Variants in OR52K1 observed in about 807,000 individuals in gnomAD.
OR52K1 encodes olfactory receptor family 52 subfamily K member 1, also known as olfactory receptor 52K1.
In OR52K1, 10 loss-of-function variants were observed where a neutral mutation model predicts 8.7. The ratio of observed to expected loss-of-function variants is 1.15; its 90% CI spans 0.71 to 1.95. The LOEUF is 1.95. OR52K1 is among the 30% of genes most tolerant of loss of function. The pLI is 0.00. For synonymous variants in OR52K1, 203 were observed against 148.5 expected, an observed-to-expected ratio of 1.37 and a Z score of -2.67; for missense variants, 431 against 397.2, an observed-to-expected ratio of 1.08 and a Z score of -0.72.
rs142595009 is a variant in OR52K1, at chr11:4,489,028, G to C, written c.128G>C (p.Gly43Ala). The stretch of plus-strand genomic sequence containing the variant: ...TTTGCTTATACTCTGGCCCTGCTAG[G>C]CAACTGTACCCTTCTCTTCATTATC... The part of the protein sequence containing the change: ...FCFAYTLALL[G>A]NCTLLFIIQA... Residue 43 changes from glycine to alanine, a missense_variant, in exon 2 of 2, where the codon GGC becomes GCC. Coordinates refer to ENST00000641528, the MANE Select transcript of OR52K1 (RefSeq NM_001005171.3). 94 of 1,614,030 alleles carry C rather than the reference G, an allele frequency of 5.8e-5. No individual in the cohort carries two copies. In the East Asian group the frequency reaches 1.4e-3, roughly 25 times the overall value.
intron 1 of OR52K1, among the ~76,000 whole-genome samples, chr11:4,486,603 C>T (rs1481427021): frequency 6.6e-6 from 1 of 152,190 alleles, no homozygotes; most frequent in Non-Finnish European, 1.5e-5. Context: ...TCATGAAATG[C>T]CTATCATAAC....
rs1473163739 is a variant in OR52K1, at chr11:4,489,477, G to A, written c.577G>A (p.Asp193Asn). Residue 193 changes from aspartate to asparagine, a missense_variant, in exon 2 of 2, where the codon GAC becomes AAC. Physicochemically the swap from Asp to Asn is conservative, Grantham distance 23. Coordinates refer to ENST00000641528, the MANE Select transcript of OR52K1 (RefSeq NM_001005171.3). ...HMAVVRLACG[D>N]TSFNNIYGIA... ...GGCTGTGGTAAGGCTGGCGTGTGGG[G>A]ACACTAGCTTCAACAATATCTATGG... is the stretch of plus-strand genomic sequence containing the variant. The A allele has an allele frequency of 3.1e-6, 5 of 1,614,242 alleles. No individual in the cohort carries two copies. Among genetic ancestry groups the A allele is most frequent in the East Asian group, 2.2e-5 (1 of 44,890 alleles).
chr11:4,482,862 C>G lies in OR52K1; in HGVS notation c.-643C>G, dbSNP rs539644421. 3.0e-6 allele frequency: 1 copy of G among 331,248 alleles called. No individual in the cohort carries two copies. Among genetic ancestry groups the G allele is most frequent in the South Asian group, 1.6e-4 (1 of 6,378 alleles). The allele number at this position is 331,248 out of a possible 1,614,324, so 20.5% of individuals were successfully genotyped here. A position where few individuals can be genotyped will look rare whatever the true frequency, so the allele number is the denominator to read the frequency against. Reference sequence around the variant, plus strand: ...CCATTCCTGATCTTAGGCATCAGCTCTCCAACCCTGTTATTGCTTCTACTC... The same window carrying G: ...CCATTCCTGATCTTAGGCATCAGCTGTCCAACCCTGTTATTGCTTCTACTC... On this transcript the variant is annotated 5_prime_UTR_variant, in exon 1 of 2. Coordinates refer to ENST00000641528, the MANE Select transcript of OR52K1 (RefSeq NM_001005171.3).
chr11:4,489,579 G>C lies in OR52K1; in HGVS notation c.679G>C (p.Val227Leu), dbSNP rs772866663. 1.5e-5 allele frequency: 24 copies of C among 1,614,116 alleles called. No individual in the cohort carries two copies. The highest frequency in any genetic ancestry group is 2.0e-5 in the Non-Finnish European group (24 of 1,180,052). The stretch of plus-strand genomic sequence containing the variant: ...GTCTTATGTCTTCATCCTTCAGGCA[G>C]TTCTCCAGCTTGCCTCTCAGGAGGC... ...ILSYVFILQAVLQLASQEARY... is the reference protein window; with the variant it reads ...ILSYVFILQALLQLASQEARY... Residue 227 changes from valine to leucine, a missense_variant, in exon 2 of 2, where the codon GTT becomes CTT. Coordinates refer to ENST00000641528, the MANE Select transcript of OR52K1 (RefSeq NM_001005171.3).
At chr11:4,484,693 G>A (rs1037086821) in intron 1 of OR52K1, among the ~76,000 whole-genome samples, 4 of 151,894 alleles carry the variant, frequency 2.6e-5, no homozygotes, top group African/African-American at 7.3e-5. Context: ...TGATCAACCA[G>A]CAGACCACCT....
At chr11:4,485,521 T>C (rs935351681) in intron 1 of OR52K1, among the ~76,000 whole-genome samples, 3 of 152,168 alleles carry the variant, frequency 2.0e-5, no homozygotes, top group Non-Finnish European at 2.9e-5. Flanking sequence ...GGTGTCATCT[T>C]CGACTCCCTG....
In OR52K1 at chr11:4,489,053, C is replaced by T; in HGVS notation, c.153C>T (p.Ile51=). 7 of 1,614,194 alleles carry T rather than the reference C, an allele frequency of 4.3e-6. No homozygotes were observed. The highest frequency in any genetic ancestry group is 5.9e-6 in the Non-Finnish European group (7 of 1,180,006). The change falls in exon 2 of 2, where the codon ATC becomes ATT. Residue 51 remains isoleucine, a synonymous_variant. Coordinates refer to ENST00000641528, the MANE Select transcript of OR52K1 (RefSeq NM_001005171.3). ...GCAACTGTACCCTTCTCTTCATTAT[C>T]CAGGCTGATGCAGCCCTCCATGAAC... The part of the protein sequence containing the change: ...LLGNCTLLFI[I]QADAALHEPM...
Position 4,489,358 on chromosome 11 carries a change from G to A in OR52K1, c.458G>A (p.Arg153Gln), listed in dbSNP as rs371666945. 1.5e-5 allele frequency: 24 copies of A among 1,614,008 alleles called. No homozygotes were observed. The highest frequency in any genetic ancestry group is 3.3e-5 in the South Asian group (3 of 91,084). ...ITKIGMAAVA[R>Q]AVTLMTPLPF... The stretch of plus-strand genomic sequence containing the variant: ...AAGATTGGCATGGCTGCTGTGGCCC[G>A]GGCTGTGACACTAATGACTCCACTC... Residue 153 changes from arginine (R) to glutamine (Q), a missense_variant, in exon 2 of 2, where the codon CGG (arginine) becomes CAG (glutamine). Physicochemically the swap from Arg to Gln is conservative, Grantham distance 43. Transcript: ENST00000641528.
intron 1 of OR52K1, among the ~76,000 whole-genome samples, chr11:4,486,638 C>T (rs1328640666): frequency 6.6e-6 from 1 of 152,160 alleles, no homozygotes; most frequent in Non-Finnish European, 1.5e-5. Context: ...GTTTTTAAAT[C>T]ACAACAATGA....
At position 4,493,473 on chromosome 11, in the gene OR52K1, TGTC is replaced by T. The variant is rs1176555550; in HGVS notation, c.*3629_*3631del. 6.6e-6 allele frequency: 1 copy of T among 152,362 alleles called. No individual in the cohort carries two copies. The highest frequency in any genetic ancestry group is 2.4e-5 in the African/African-American group (1 of 41,462). The allele number at this position is 152,362 out of a possible 1,614,324, so 9.4% of individuals were successfully genotyped here. A position where few individuals can be genotyped will look rare whatever the true frequency, so the allele number is the denominator to read the frequency against. On this transcript the variant is annotated 3_prime_UTR_variant, in exon 2 of 2. Coordinates refer to ENST00000641528, the MANE Select transcript of OR52K1 (RefSeq NM_001005171.3). The stretch of plus-strand genomic sequence containing the variant: ...TCCGGGCGTGACAGAGGCTCACACT[TGTC>T]TTCTGGTCACTTCTCACCGCGCCCC...
chr11:4,489,626 A>C lies in OR52K1; in HGVS notation c.726A>C (p.Thr242=). ...AGGCCCGCTACAAGGCATTTGGGACATGTGTGTCTCACATAGGTGCCATCC... is the reference window on the plus strand; with the variant it reads ...AGGCCCGCTACAAGGCATTTGGGACCTGTGTGTCTCACATAGGTGCCATCC... ...SQEARYKAFG[T]CVSHIGAILS... is the part of the protein sequence containing the mutation. Residue 242 remains threonine (T), a synonymous_variant, in exon 2 of 2, where the codon ACA becomes ACC. Coordinates refer to ENST00000641528, the MANE Select transcript of OR52K1 (RefSeq NM_001005171.3). 1 of 1,614,194 alleles carries C rather than the reference A, an allele frequency of 6.2e-7. No homozygotes were observed. Among genetic ancestry groups the C allele is most frequent in the Non-Finnish European group, 8.5e-7 (1 of 1,180,018 alleles).
rs1246142608 is a variant in OR52K1 at position 4,489,706 on chromosome 11, A to G, written c.806A>G (p.His269Arg). The G allele has an allele frequency of 3.1e-6, 5 of 1,614,076 alleles. No homozygotes were observed. The East Asian group carries it at 6.7e-5, about 22-fold the overall frequency. ...TCAGTCATGCACCGTGTAGCCCGCC[A>G]TGCTGCCCCTCGTGTCCACATACTC... ...ISSVMHRVAR[H>R]AAPRVHILLA... The change falls in exon 2 of 2, where the codon CAT becomes CGT. Residue 269 changes from histidine to arginine, a missense_variant. His to Arg is a conservative substitution (Grantham distance 29, BLOSUM62 0). Coordinates refer to ENST00000641528, the MANE Select transcript of OR52K1 (RefSeq NM_001005171.3).
chr11:4,487,652 A>C (rs1846331285), intron 1 of OR52K1, among the ~76,000 whole-genome samples: 1 of 152,218 alleles, frequency 6.6e-6, no homozygotes, highest in Admixed American at 6.5e-5. Flanking sequence ...TGACACTATT[A>C]GCTATAATAT....
intron 1 of OR52K1, among the ~76,000 whole-genome samples, chr11:4,484,747 T>C (rs952191700): frequency 1.3e-5 from 2 of 151,796 alleles, no homozygotes; most frequent in African/African-American, 4.8e-5. Flanking sequence ...CAGTATTCTC[T>C]TTCTTCGTCT....
chr11:4,489,045 T>C lies in OR52K1; in HGVS notation c.145T>C (p.Phe49Leu). 1 of 1,614,202 alleles carries C rather than the reference T, an allele frequency of 6.2e-7. No homozygotes were observed. Among genetic ancestry groups the C allele is most frequent in the Non-Finnish European group, 8.5e-7 (1 of 1,180,012 alleles). The part of the protein sequence containing the change: ...LALLGNCTLL[F>L]IIQADAALHE... ...CCTGCTAGGCAACTGTACCCTTCTCTTCATTATCCAGGCTGATGCAGCCCT... is the reference window on the plus strand; with the variant it reads ...CCTGCTAGGCAACTGTACCCTTCTCCTCATTATCCAGGCTGATGCAGCCCT... The change falls in exon 2 of 2, where the codon TTC becomes CTC. Residue 49 changes from phenylalanine to leucine, a missense_variant. Phe to Leu is a conservative substitution (Grantham distance 22). Coordinates refer to ENST00000641528, the MANE Select transcript of OR52K1 (RefSeq NM_001005171.3).
At position 4,491,845 on chromosome 11, in the gene OR52K1, A is replaced by G. The variant is rs1846377610; in HGVS notation, c.*2000A>G. On this transcript the variant is annotated 3_prime_UTR_variant, in exon 2 of 2. Coordinates refer to ENST00000641528, the MANE Select transcript of OR52K1 (RefSeq NM_001005171.3). ...TACTACGCCTAGTACCTAGGTGATT[A>G]AAGAACTTGTACAACAAACTCCCGT... 1 of 152,208 alleles carries G rather than the reference A, an allele frequency of 6.6e-6. No homozygotes were observed. 9.4% of individuals were successfully genotyped at this position (152,208 alleles called of 1,614,324 possible).
intron 1 of OR52K1, among the ~76,000 whole-genome samples, chr11:4,485,959 G>T (rs1333444636): frequency 6.6e-6 from 1 of 152,070 alleles, no homozygotes; most frequent in Non-Finnish European, 1.5e-5. Context: ...TTTATGTCTT[G>T]GGGCATTTTC....
At position 4,492,890 on chromosome 11, in the gene OR52K1, C is replaced by T; in HGVS notation, c.*3045C>T. 1 of 194,032 alleles carries T rather than the reference C, an allele frequency of 5.2e-6. No individual in the cohort carries two copies. The highest frequency in any genetic ancestry group is 1.0e-5 in the Non-Finnish European group (1 of 99,012). The allele number at this position is 194,032 out of a possible 1,614,324, so 12.0% of individuals were successfully genotyped here. A position where few individuals can be genotyped will look rare whatever the true frequency, so the allele number is the denominator to read the frequency against. On this transcript the variant is annotated 3_prime_UTR_variant, in exon 2 of 2. Coordinates refer to ENST00000641528, the MANE Select transcript of OR52K1 (RefSeq NM_001005171.3). ...CAAGATGCAGAGACCGGTAGTGGCC[C>T]CGAATGCCTGGCTGCACTGTTATTT...
Position 4,482,812 on chromosome 11 carries a change from G to A in OR52K1, c.-693G>A, listed in dbSNP as rs891163918. 4.0e-6 allele frequency: 1 copy of A among 250,462 alleles called. No homozygotes were observed. Among genetic ancestry groups the A allele is most frequent in the Non-Finnish European group, 7.5e-6 (1 of 132,636 alleles). 15.5% of individuals were successfully genotyped at this position (250,462 alleles called of 1,614,324 possible). ...AAGGTGGGAGTGAGCTGGAAGGTGGGGGCACTGTCAATTTCTTCCCATAGC... is the reference window on the plus strand; with the variant it reads ...AAGGTGGGAGTGAGCTGGAAGGTGGAGGCACTGTCAATTTCTTCCCATAGC... On this transcript the variant is annotated 5_prime_UTR_variant, in exon 1 of 2. Coordinates refer to ENST00000641528, the MANE Select transcript of OR52K1 (RefSeq NM_001005171.3).
Sources: allele counts gnomAD v4.1 joint callset (sites outside exome capture counted in the v4.1 genomes callset), GRCh38; gene constraint gnomAD v4.1.1; transcripts MANE v1.5; gene names NCBI Gene and HGNC (gene_info 2026-07-23, HGNC 2026-07-21).